SIRT2: variants seen among roughly 807,000 people sequenced by gnomAD.
SIRT2 encodes sirtuin 2.
SIRT2 carries 40 observed loss-of-function variants against 57.4 expected under a neutral mutation model. The ratio of observed to expected loss-of-function variants is 0.70; its 90% CI spans 0.54 to 0.91. The LOEUF (loss-of-function observed/expected upper bound fraction) is 0.91. Among genes scored for constraint, SIRT2 ranks in the 40% least tolerant of loss-of-function variants. The probability of loss-of-function intolerance (pLI) is 0.00; values close to 1 mark genes in which losing one functional copy is unlikely to be tolerated. For synonymous variants in SIRT2, 161 were observed against 195.7 expected, an observed-to-expected ratio of 0.82 and a Z score of 1.48; for missense variants, 439 against 510.4, an observed-to-expected ratio of 0.86 and a Z score of 1.35.
chr19:38,879,270 ATGCTGGCG>A lies in SIRT2; in HGVS notation c.1047_1054del (p.Ala350ArgfsTer54), dbSNP rs1568392837. 1 of 1,611,822 alleles carries A rather than the reference ATGCTGGCG, an allele frequency of 6.2e-7. No individual in the cohort carries two copies. On this transcript the variant is annotated frameshift_variant, in exon 16 of 16. Transcript: ENST00000249396. LOFTEE classifies it low-confidence loss of function (END_TRUNC). ...GACCCCCGCCCCCGACTGGGCATCTATGCTGGCGTGCTCCCTCCGGACAAGGTCCTCCA... is the reference window on the plus strand; with the variant it reads ...GACCCCCGCCCCCGACTGGGCATCTATGCTCCCTCCGGACAAGGTCCTCCA...
At chr19:38,881,075 G>T in intron 11 of SIRT2, 25 bp downstream of exon 11, 1 of 1,610,946 alleles carries the variant, frequency 6.2e-7, no homozygotes, top group Non-Finnish European at 8.5e-7. Flanking sequence ...GGTTGGGGAT[G>T]CGGGGAGGCT....
intron 8 of SIRT2, among the ~76,000 whole-genome samples, chr19:38,888,589 C>T (rs1249359087): frequency 2.0e-5 from 3 of 152,136 alleles, no homozygotes; most frequent in Admixed American, 6.6e-5. Flanking sequence ...CTGACGTGTA[C>T]GAGACATGTT....
chr19:38,886,083 G>C (rs78976556), intron 8 of SIRT2, among the ~76,000 whole-genome samples: 1 of 152,166 alleles, frequency 6.6e-6, no homozygotes, highest in Non-Finnish European at 1.5e-5. Flanking sequence ...GAGATGGCTC[G>C]CATGTGTGGC....
At chr19:38,894,085 G>A in intron 2 of SIRT2, 1 of 895,594 alleles carries the variant, frequency 1.1e-6, no homozygotes, top group Non-Finnish European at 1.7e-6. Flanking sequence ...AAGACCTCAT[G>A]TGAGTGGCTT....
Position 38,898,433 on chromosome 19 carries a change from A to G in SIRT2, c.17-8T>C. 6.6e-7 allele frequency: 1 copy of G among 1,511,078 alleles called. No homozygotes were observed. Among genetic ancestry groups the G allele is most frequent in the Non-Finnish European group, 8.9e-7 (1 of 1,118,708 alleles). The allele number at this position is 1,511,078 out of a possible 1,614,324, so 93.6% of individuals were successfully genotyped here. On this transcript the variant is annotated splice_polypyrimidine_tract_variant and splice_region_variant and intron_variant, in intron 1 of 15. Transcript: ENST00000249396. ...TCTCCAGAGGGTGAGAGGCTGGGGGAGGGGAGCAGAGGTGGTTACAGTGGG... is the reference window on the plus strand; with the variant it reads ...TCTCCAGAGGGTGAGAGGCTGGGGGGGGGGAGCAGAGGTGGTTACAGTGGG...
chr19:38,898,005 CCT>C (rs1973780814), intron 2 of SIRT2, among the ~76,000 whole-genome samples: 1 of 152,212 alleles, frequency 6.6e-6, no homozygotes, highest in Non-Finnish European at 1.5e-5. Context: ...CATCTGGCCC[CCT>C]GAGTTACTTT....
At chr19:38,890,036 C>T (rs1973479743) in intron 5 of SIRT2, 67 bp downstream of exon 5, 4 of 1,607,648 alleles carry the variant, frequency 2.5e-6, no homozygotes, top group Non-Finnish European at 1.7e-6. Flanking sequence ...GATAGGGCTC[C>T]TCCCCAGCCC....
At chr19:38,895,890 A>G (rs527328563) in intron 2 of SIRT2, among the ~76,000 whole-genome samples, 2 of 152,246 alleles carry the variant, frequency 1.3e-5, no homozygotes, top group African/African-American at 2.4e-5. Context: ...GGCCAACATG[A>G]TGAAACCCCG....
chr19:38,898,335 C>A (rs750737920), intron 2 of SIRT2, 44 bp downstream of exon 2: 8 of 1,393,940 alleles, frequency 5.7e-6, no homozygotes, highest in East Asian at 2.5e-5. Flanking sequence ...GGATGTGGAA[C>A]AAGTCCGTCT....
chr19:38,892,495 G>A (rs1006542971), intron 4 of SIRT2, among the ~76,000 whole-genome samples: 5 of 151,996 alleles, frequency 3.3e-5, no homozygotes, highest in South Asian at 4.1e-4. Context: ...TAATAACCAC[G>A]GCACACCCTG....
chr19:38,885,228 G>A (rs1348097709), intron 8 of SIRT2, among the ~76,000 whole-genome samples: 2 of 152,022 alleles, frequency 1.3e-5, no homozygotes. Context: ...TGGGACTACA[G>A]GCAAATGCCA....
At chr19:38,891,430 T>C (rs1973532560) in intron 4 of SIRT2, among the ~76,000 whole-genome samples, 1 of 152,074 alleles carries the variant, frequency 6.6e-6, no homozygotes. Flanking sequence ...GCGCCTGTAA[T>C]CCCAGCTACT....
chr19:38,896,385 A>C (rs1407584617), intron 2 of SIRT2, among the ~76,000 whole-genome samples: 1 of 152,168 alleles, frequency 6.6e-6, no homozygotes, highest in Non-Finnish European at 1.5e-5. Flanking sequence ...TAATTTAAAA[A>C]ATAATTTTTT....
intron 9 of SIRT2, 49 bp downstream of exon 9, chr19:38,883,578 C>T (rs751795386): frequency 6.3e-7 from 1 of 1,597,598 alleles, no homozygotes; most frequent in Non-Finnish European, 8.6e-7. Context: ...GGAGACACTG[C>T]TCCTGGTGCT....
chr19:38,898,787 GACTT>G (rs1167545952), intron 1 of SIRT2: 9 of 214,588 alleles, frequency 4.2e-5, no homozygotes, highest in East Asian at 9.7e-5. Context: ...TTCTGGCCCT[GACTT>G]ACTTTCTTTC....
chr19:38,886,450 TG>T lies in SIRT2; in HGVS notation c.501+2636del, dbSNP rs751889722. On this transcript the variant is annotated intron_variant, in intron 8 of 15. Transcript: ENST00000249396. ...TGCGTTCTGTTATTCTTTGACAACA[TG>T]GTTTTTTTTTTTTTTTCTTTTGACA... Among the ~76,000 whole-genome samples the T allele has an allele frequency of 2.1e-4, 30 of 144,312 alleles. No homozygotes were observed. In the East Asian group the frequency reaches 5.2e-3, roughly 25 times the overall value. The allele number at this position is 144,312 out of a possible 152,430, so 94.7% of individuals were successfully genotyped here.
intron 9 of SIRT2, among the ~76,000 whole-genome samples, chr19:38,881,731 G>C (rs912156277): frequency 1.3e-5 from 2 of 149,506 alleles, no homozygotes; most frequent in African/African-American, 2.5e-5. Context: ...TCTGTTGCCC[G>C]GGCTGGAATG....
rs200670166 is a variant in SIRT2, at chr19:38,881,124, C to T, written c.723G>A (p.Ala241=). The change falls in exon 11 of 16, where the codon GCG becomes GCA. Residue 241 remains alanine (A), a synonymous_variant. Transcript: ENST00000249396. ...DIVFFGESLP[A]RFFSCMQSDF... is the part of the protein sequence containing the mutation. ...CTGACTGCATACAGGAGAAGAAACG[C>T]GCTGGGAGGCTCTCACCAAAAAAGA... is the stretch of plus-strand genomic sequence containing the variant. 5.9e-5 allele frequency: 95 copies of T among 1,613,236 alleles called. No homozygotes were observed. The highest frequency in any genetic ancestry group is 7.6e-5 in the Non-Finnish European group (90 of 1,179,828).
chr19:38,889,630 C>G (rs1435144128), intron 7 of SIRT2, 59 bp downstream of exon 7: 1 of 1,595,404 alleles, frequency 6.3e-7, no homozygotes, highest in Non-Finnish European at 8.6e-7. Context: ...GGCGGGGCTT[C>G]TCATGCGTGC....
Sources: allele counts gnomAD v4.1 joint callset (sites outside exome capture counted in the v4.1 genomes callset), GRCh38; gene constraint gnomAD v4.1.1; transcripts MANE v1.5; gene names NCBI Gene and HGNC (gene_info 2026-07-23, HGNC 2026-07-21).